TULP4: variants seen among roughly 807,000 people sequenced by gnomAD.
The protein encoded by TULP4 is tubby-related protein 4.
Under a neutral mutation model 129.0 loss-of-function variants are expected in TULP4, and 16 were observed. That is an observed-to-expected ratio of 0.12 (90% CI 0.08 to 0.19). TULP4 has a LOEUF of 0.19. TULP4 is among the 10% of genes least tolerant of loss of function. The pLI is 1.00. For synonymous variants in TULP4, 998 were observed against 854.0 expected, an observed-to-expected ratio of 1.17 and a Z score of -2.94; for missense variants, 1,842 against 2,059.1, an observed-to-expected ratio of 0.89 and a Z score of 2.04.
intron 7 of TULP4, among the ~76,000 whole-genome samples, chr6:158,480,365 A>C (rs1446796847): frequency 6.6e-6 from 1 of 152,274 alleles, no homozygotes; most frequent in Non-Finnish European, 1.5e-5. Context: ...GCAGGAAACA[A>C]GTTAGGAGAA....
At position 158,502,489 on chromosome 6, in the gene TULP4, C is replaced by G; in HGVS notation, c.2826C>G (p.Thr942=). The change falls in exon 13 of 14, where the codon ACC becomes ACG. Residue 942 remains threonine (T), a synonymous_variant. Coordinates refer to ENST00000367097, the MANE Select transcript of TULP4 (RefSeq NM_020245.5). ...TCCCTCAGCCCTGCAGCAGTGCCACCCTGAACCGCCTGACCGTCCCTCGCT... is the reference window on the plus strand; with the variant it reads ...TCCCTCAGCCCTGCAGCAGTGCCACGCTGAACCGCCTGACCGTCCCTCGCT... The part of the protein sequence containing the change: ...KKVPQPCSSA[T]LNRLTVPRYS... The G allele has an allele frequency of 6.2e-7, 1 of 1,613,204 alleles. No homozygotes were observed. Among genetic ancestry groups the G allele is most frequent in the Non-Finnish European group, 8.5e-7 (1 of 1,179,908 alleles).
intron 1 of TULP4, among the ~76,000 whole-genome samples, chr6:158,347,425 T>C (rs899320213): frequency 6.6e-6 from 1 of 152,240 alleles, no homozygotes; most frequent in East Asian, 1.9e-4. Flanking sequence ...TTTGGATTAG[T>C]GCACTGACAT....
chr6:158,487,793 T>C (rs1780106605), intron 8 of TULP4, among the ~76,000 whole-genome samples: 1 of 152,244 alleles, frequency 6.6e-6, no homozygotes, highest in Non-Finnish European at 1.5e-5. Flanking sequence ...GCTGAGGACA[T>C]GTTTTCAGAA....
chr6:158,260,877 A>G (rs546895653), intron 1 of TULP4, among the ~76,000 whole-genome samples: 63 of 151,164 alleles, frequency 4.2e-4, no homozygotes, highest in African/African-American at 1.2e-3. Flanking sequence ...CTGGAGTGCA[A>G]TGGCGCAATC....
At chr6:158,255,342 A>C (rs557231265) in intron 1 of TULP4, among the ~76,000 whole-genome samples, 2 of 152,174 alleles carry the variant, frequency 1.3e-5, no homozygotes. Context: ...TTGTTTAGAG[A>C]GCCTCTTGTC....
chr6:158,502,962 T>C lies in TULP4; in HGVS notation c.3299T>C (p.Leu1100Pro), dbSNP rs1351541548. The stretch of plus-strand genomic sequence containing the variant: ...GAGGCCCTGTCCCAGCACTGTCAGC[T>C]TGAGAAGCCCTTGAGGCACCCTCCC... ...EDEALSQHCQ[L>P]EKPLRHPPLP... The change falls in exon 13 of 14, where the codon CTT (leucine) becomes CCT (proline). Residue 1100 changes from leucine to proline, a missense_variant. Transcript: ENST00000367097. The C allele has an allele frequency of 3.1e-6, 5 of 1,613,946 alleles. No individual in the cohort carries two copies. Among genetic ancestry groups the C allele is most frequent in the Middle Eastern group, 3.3e-4 (2 of 6,062 alleles).
intron 8 of TULP4, among the ~76,000 whole-genome samples, chr6:158,485,801 T>C (rs1023373786): frequency 2.0e-5 from 3 of 152,198 alleles, no homozygotes; most frequent in African/African-American, 7.2e-5. Context: ...AGATTTGGGA[T>C]TTGCTTGGAA....
chr6:158,427,014 C>T (rs755826630), intron 2 of TULP4, among the ~76,000 whole-genome samples: 2 of 152,022 alleles, frequency 1.3e-5, no homozygotes, highest in African/African-American at 4.8e-5. Flanking sequence ...TGATTTGGCT[C>T]TTGGTTTGGC....
chr6:158,450,749 A>G (rs1051177927), intron 4 of TULP4, among the ~76,000 whole-genome samples: 2 of 94,712 alleles, frequency 2.1e-5, no homozygotes, highest in Non-Finnish European at 4.2e-5. Flanking sequence ...CCATTTTATT[A>G]TTGAAAAAAA....
intron 1 of TULP4, among the ~76,000 whole-genome samples, chr6:158,364,286 A>G (rs1181334371): frequency 6.6e-6 from 1 of 152,244 alleles, no homozygotes; most frequent in African/African-American, 2.4e-5. Context: ...TTTAGAGGAA[A>G]GAGTACTAAC....
At chr6:158,418,123 G>GGA (rs1562557723) in intron 2 of TULP4, among the ~76,000 whole-genome samples, 5 of 105,968 alleles carry the variant, frequency 4.7e-5, no homozygotes, top group Non-Finnish European at 1.2e-4. Flanking sequence ...TTTTGGGAGC[G>GGA]GGGGAGACAG....
rs746565198 is a variant in TULP4 at position 158,503,909 on chromosome 6, G to A, written c.4246G>A (p.Gly1416Arg). Residue 1416 changes from glycine to arginine, a missense_variant, in exon 13 of 14, where the codon GGG (glycine) becomes AGG (arginine). By Grantham distance (125) the Gly-to-Arg change is moderately radical (BLOSUM62 -2). Around this residue, in one of 5 missense-constraint regions of TULP4, gnomAD observed 1,089 missense variants for 987.1 expected, o/e 1.10. Transcript: ENST00000367097. The surrounding 1 kb of genome is among the most constrained non-coding windows in gnomAD (Gnocchi z 4.3). ...GAGCGAGCCTGAGCTGTTCATCAGC[G>A]GGGATGAGCTCATGAACCAGAGCCA... ...SESEPELFISGDELMNQSQGS... is the reference protein window; with the variant it reads ...SESEPELFISRDELMNQSQGS... 2.1e-5 allele frequency: 34 copies of A among 1,613,954 alleles called. No homozygotes were observed. Among genetic ancestry groups the A allele is most frequent in the Middle Eastern group, 1.6e-4 (1 of 6,084 alleles).
At position 158,376,861 on chromosome 6, in the gene TULP4, T is replaced by G. The variant is rs118079937; in HGVS notation, c.253-36204T>G. Among the ~76,000 whole-genome samples, 7 of 152,326 alleles carry G rather than the reference T, an allele frequency of 4.6e-5. No homozygotes were observed. In the East Asian group the frequency reaches 1.2e-3, roughly 25 times the overall value. Reference sequence around the variant, plus strand: ...GCCAGTAGCTGCGGCAGCCATCCCATGACCACAGGGAGCAGCTGAGGGACT... The same window carrying G: ...GCCAGTAGCTGCGGCAGCCATCCCAGGACCACAGGGAGCAGCTGAGGGACT... On this transcript the variant is annotated intron_variant, in intron 1 of 13. Coordinates refer to ENST00000367097, the MANE Select transcript of TULP4 (RefSeq NM_020245.5).
intron 1 of TULP4, among the ~76,000 whole-genome samples, chr6:158,300,590 G>T (rs541602759): frequency 1.3e-5 from 2 of 152,298 alleles, no homozygotes; most frequent in African/African-American, 4.8e-5. Context: ...CAGGGGCATT[G>T]TCTGTCTTTA....
intron 1 of TULP4, among the ~76,000 whole-genome samples, chr6:158,302,248 C>T (rs138333983): frequency 0.024 from 3,634 of 152,306 alleles, 64 homozygotes; most frequent in Non-Finnish European, 0.036. Flanking sequence ...TGATAACGAG[C>T]TGCAGGCTCC....
intron 1 of TULP4, among the ~76,000 whole-genome samples, chr6:158,297,470 C>G (rs939296362): frequency 6.6e-6 from 1 of 151,860 alleles, no homozygotes; most frequent in East Asian, 1.9e-4. Context: ...ACGAAGATAA[C>G]GGGATTAAAA....
In TULP4 at chr6:158,350,490, C is replaced by T. The variant is rs140307819; in HGVS notation, c.252+36222C>T. On this transcript the variant is annotated intron_variant, in intron 1 of 13. Transcript: ENST00000367097. ...CTGCAATCCCAGCACCTCGGGAGGCCGAGGCAGGCAGATCACCCGAGGCCA... is the reference window on the plus strand; with the variant it reads ...CTGCAATCCCAGCACCTCGGGAGGCTGAGGCAGGCAGATCACCCGAGGCCA... 1.3e-3 allele frequency among the ~76,000 whole-genome samples: 197 copies of T among 152,276 alleles called. 1 individual carries two copies. Among genetic ancestry groups the T allele is most frequent in the African/African-American group, 4.5e-3 (187 of 41,532 alleles).
chr6:158,350,171 C>T (rs1307577113), intron 1 of TULP4, among the ~76,000 whole-genome samples: 5 of 151,722 alleles, frequency 3.3e-5, no homozygotes, highest in East Asian at 1.9e-4. Context: ...CCAGACGGGG[C>T]GGCCGGGCAG....
intron 1 of TULP4, among the ~76,000 whole-genome samples, chr6:158,403,269 C>G (rs1420411187): frequency 6.6e-6 from 1 of 152,162 alleles, no homozygotes; most frequent in African/African-American, 2.4e-5. Context: ...TGTTCCCCTT[C>G]CCAAGCTGCA....
Sources: gnomAD v4.1 joint callset for allele counts (sites outside exome capture counted in the v4.1 genomes callset) on GRCh38, gnomAD v4.1.1 for gene constraint, gnomAD v4.1.1 regional missense constraint, Gnocchi (gnomAD v3.1) non-coding constraint, MANE v1.5 for transcripts, NCBI Gene and HGNC (gene_info 2026-07-23, HGNC 2026-07-21) for gene names.